The following WWOX variants were observed in gnomAD, a reference collection of about 807,000 sequenced individuals.
WWOX encodes the protein WW domain-containing oxidoreductase.
In WWOX, 69 loss-of-function variants were observed where a neutral mutation model predicts 46.2. That is an observed-to-expected ratio of 1.49 (90% CI 1.23 to 1.82). WWOX has a LOEUF of 1.82. Ranked by LOEUF, WWOX falls within the 40% of genes most tolerant of loss-of-function variation. The pLI, the probability that WWOX is intolerant of heterozygous loss-of-function variation, is 0.00. For synonymous variants in WWOX, 359 were observed against 202.6 expected, an observed-to-expected ratio of 1.77 and a Z score of -6.56; for missense variants, 919 against 542.6, an observed-to-expected ratio of 1.69 and a Z score of -6.89.
In WWOX at chr16:78,439,767, C is replaced by T. The variant is rs1309899164; in HGVS notation, c.1056+7015C>T. ...TCCCATGTATCCAGAGTTGCTGAGGCAGCAAGGGTTGTGTTTGGCTACTAT... is the reference window on the plus strand; with the variant it reads ...TCCCATGTATCCAGAGTTGCTGAGGTAGCAAGGGTTGTGTTTGGCTACTAT... On this transcript the variant is annotated intron_variant, in intron 8 of 8. Coordinates refer to ENST00000566780, the MANE Select transcript of WWOX (RefSeq NM_016373.4). Among the ~76,000 whole-genome samples the T allele has an allele frequency of 2.0e-5, 3 of 152,206 alleles. No homozygotes were observed. In the East Asian group the frequency reaches 5.8e-4, roughly 29 times the overall value.
chr16:78,130,870 T>A (rs576171511), intron 4 of WWOX, among the ~76,000 whole-genome samples: 1 of 152,188 alleles, frequency 6.6e-6, no homozygotes, highest in African/African-American at 2.4e-5. Context: ...GACAGAGATA[T>A]GATCTGAGAA....
chr16:79,104,068 T>G (rs2049259726), intron 8 of WWOX, among the ~76,000 whole-genome samples: 1 of 144,658 alleles, frequency 6.9e-6, no homozygotes, highest in Non-Finnish European at 1.5e-5. Context: ...TGGGGGTACT[T>G]ACTAAGGACC....
intron 8 of WWOX, among the ~76,000 whole-genome samples, chr16:78,455,198 A>G (rs368914723): frequency 6.6e-5 from 10 of 152,202 alleles, no homozygotes; most frequent in African/African-American, 2.2e-4. Flanking sequence ...GACTTGAATG[A>G]TGTGTCGGAG....
chr16:78,905,471 T>A (rs755716993), intron 8 of WWOX, among the ~76,000 whole-genome samples: 1 of 152,224 alleles, frequency 6.6e-6, no homozygotes, highest in Non-Finnish European at 1.5e-5. Context: ...AGACTCAACC[T>A]CCTGGGTGCA....
chr16:78,824,720 G>A (rs894409928), intron 8 of WWOX, among the ~76,000 whole-genome samples: 3 of 152,066 alleles, frequency 2.0e-5, no homozygotes, highest in Non-Finnish European at 4.4e-5. Flanking sequence ...ACTATCACGA[G>A]GATAGCGCAG....
chr16:78,741,881 G>A (rs910845750), intron 8 of WWOX, among the ~76,000 whole-genome samples: 1 of 152,188 alleles, frequency 6.6e-6, no homozygotes, highest in Non-Finnish European at 1.5e-5. Context: ...ACAACATAAA[G>A]TAAGATGTTA....
chr16:78,730,303 C>T (rs752632363), intron 8 of WWOX, among the ~76,000 whole-genome samples: 1 of 152,034 alleles, frequency 6.6e-6, no homozygotes, highest in Non-Finnish European at 1.5e-5. Context: ...TTCCTTGCCT[C>T]CTTCCCTCTC....
At chr16:78,754,076 G>C (rs1037918671) in intron 8 of WWOX, among the ~76,000 whole-genome samples, 1 of 151,500 alleles carries the variant, frequency 6.6e-6, no homozygotes, top group Non-Finnish European at 1.5e-5. Flanking sequence ...TTATCCCATT[G>C]GGCATTGCTA....
intron 5 of WWOX, among the ~76,000 whole-genome samples, chr16:78,246,814 C>G (rs746057813): frequency 3.3e-5 from 5 of 151,816 alleles, no homozygotes; most frequent in Non-Finnish European, 5.9e-5. Flanking sequence ...GGGTGCTTGC[C>G]TGGAAGTGCG....
At chr16:78,788,641 T>C (rs947207508) in intron 8 of WWOX, among the ~76,000 whole-genome samples, 1 of 152,216 alleles carries the variant, frequency 6.6e-6, no homozygotes. Context: ...ATCTCTGTCC[T>C]TAGTACTGTC....
intron 8 of WWOX, among the ~76,000 whole-genome samples, chr16:78,549,232 T>A (rs1299110418): frequency 6.6e-6 from 1 of 152,176 alleles, no homozygotes; most frequent in Non-Finnish European, 1.5e-5. Flanking sequence ...TGCATGTTAA[T>A]AGCTTTCCTG....
intron 8 of WWOX, among the ~76,000 whole-genome samples, chr16:78,520,675 T>A (rs2043328622): frequency 6.6e-6 from 1 of 152,018 alleles, no homozygotes; most frequent in Non-Finnish European, 1.5e-5. Context: ...ATGTTTGTTA[T>A]GAAGTCTAGG....
chr16:78,294,724 A>C (rs1403154651), intron 5 of WWOX, among the ~76,000 whole-genome samples: 1 of 152,128 alleles, frequency 6.6e-6, no homozygotes, highest in East Asian at 1.9e-4. Context: ...GGAAGGAAGA[A>C]AGGAAAGGAG....
intron 8 of WWOX, among the ~76,000 whole-genome samples, chr16:78,483,422 A>ATTT (rs367626448): frequency 0.011 from 1,447 of 133,892 alleles, 31 homozygotes; most frequent in African/African-American, 0.039. Flanking sequence ...TCTGCGTAGA[A>ATTT]TTTTTTTTTT....
intron 5 of WWOX, among the ~76,000 whole-genome samples, chr16:78,374,369 A>C (rs1318869889): frequency 6.6e-6 from 1 of 152,090 alleles, no homozygotes; most frequent in Non-Finnish European, 1.5e-5. Flanking sequence ...CATAAAACAA[A>C]CTTCACTTGT....
chr16:78,966,155 C>A (rs905201602), intron 8 of WWOX, among the ~76,000 whole-genome samples: 2 of 152,142 alleles, frequency 1.3e-5, no homozygotes, highest in African/African-American at 4.8e-5. Flanking sequence ...GATATTAAAT[C>A]CCATGATATA....
At chr16:78,585,164 C>T (rs546758174) in intron 8 of WWOX, among the ~76,000 whole-genome samples, 6 of 152,234 alleles carry the variant, frequency 3.9e-5, no homozygotes, top group Non-Finnish European at 8.8e-5. Flanking sequence ...GGCTGTGGTT[C>T]TGACCACCCC....
intron 8 of WWOX, among the ~76,000 whole-genome samples, chr16:78,697,964 C>A (rs770534967): frequency 1.3e-5 from 2 of 152,080 alleles, no homozygotes; most frequent in Non-Finnish European, 2.9e-5. Context: ...TTTCTTGTTT[C>A]AAAACTCCTG....
chr16:78,564,091 C>T (rs62034001), intron 8 of WWOX, among the ~76,000 whole-genome samples: 24,304 of 152,226 alleles, frequency 0.16, 2,025 homozygotes, highest in South Asian at 0.2. Flanking sequence ...AGCCAAGAGC[C>T]AACCTACAGA....
Sources: gnomAD v4.1 joint callset for allele counts (sites outside exome capture counted in the v4.1 genomes callset) on GRCh38, gnomAD v4.1.1 for gene constraint, MANE v1.5 for transcripts, NCBI Gene and HGNC (gene_info 2026-07-23, HGNC 2026-07-21) for gene names.